The following SORBS2 variants were observed in gnomAD, a reference collection of about 807,000 sequenced individuals.
The protein encoded by SORBS2 is sorbin and SH3 domain-containing protein 2.
Under a neutral mutation model 97.7 loss-of-function variants are expected in SORBS2, and 46 were observed. The ratio of observed to expected loss-of-function variants is 0.47; its 90% CI spans 0.37 to 0.60. SORBS2 has a LOEUF of 0.60. Ranked by LOEUF, SORBS2 falls within the 20% of genes least tolerant of loss-of-function variation. SORBS2 has a pLI of 0.00. For missense variants in SORBS2, 1,316 were observed against 1,282.3 expected (o/e 1.03, Z -0.40); for synonymous variants, 476 against 473.4 (o/e 1.01, Z -0.07).
At chr4:185,672,077 G>C (rs2097721168) in intron 4 of SORBS2, among the ~76,000 whole-genome samples, 1 of 152,196 alleles carries the variant, frequency 6.6e-6, no homozygotes. Flanking sequence ...CATACTAATG[G>C]AAGACATCAA....
chr4:185,637,328 C>CG (rs1379343439), intron 4 of SORBS2, among the ~76,000 whole-genome samples: 6 of 152,186 alleles, frequency 3.9e-5, no homozygotes, highest in Non-Finnish European at 8.8e-5. Flanking sequence ...CCAGGAGCAA[C>CG]GGGCCATAGC....
intron 2 of SORBS2, among the ~76,000 whole-genome samples, chr4:185,680,607 C>T (rs1043781000): frequency 6.6e-6 from 1 of 152,214 alleles, no homozygotes; most frequent in African/African-American, 2.4e-5. Context: ...TGATTATATT[C>T]TGATTTTTTT....
intron 1 of SORBS2, among the ~76,000 whole-genome samples, chr4:185,935,040 C>G (rs1415012552): frequency 2.6e-5 from 4 of 152,036 alleles, no homozygotes; most frequent in Admixed American, 2.0e-4. Flanking sequence ...CCTTTCTGTT[C>G]CAAGTCAAAT....
At chr4:185,798,845 T>C (rs1263600499) in intron 1 of SORBS2, among the ~76,000 whole-genome samples, 1 of 152,188 alleles carries the variant, frequency 6.6e-6, no homozygotes, top group Non-Finnish European at 1.5e-5. Context: ...GTTTTTGCCC[T>C]GATATCAAAA....
chr4:185,747,194 C>A (rs1052683538), intron 2 of SORBS2, among the ~76,000 whole-genome samples: 1 of 152,136 alleles, frequency 6.6e-6, no homozygotes, highest in African/African-American at 2.4e-5. Flanking sequence ...GTCGGCAAGA[C>A]AAGGAGGAAG....
intron 1 of SORBS2, among the ~76,000 whole-genome samples, chr4:185,936,006 C>T (rs1301342616): frequency 6.6e-6 from 1 of 152,156 alleles, no homozygotes; most frequent in Non-Finnish European, 1.5e-5. Flanking sequence ...TGTGCACCAC[C>T]ATGCCTGGCT....
chr4:185,815,587 C>T (rs1007921147), intron 1 of SORBS2, among the ~76,000 whole-genome samples: 2 of 151,916 alleles, frequency 1.3e-5, no homozygotes, highest in Non-Finnish European at 2.9e-5. Context: ...GATTTTCAAA[C>T]AAATATATTA....
chr4:185,932,737 G>A (rs2099267089), intron 1 of SORBS2, among the ~76,000 whole-genome samples: 1 of 72,038 alleles, frequency 1.4e-5, no homozygotes, highest in South Asian at 4.4e-4. Flanking sequence ...GAGCCCCCCT[G>A]GGGCTCGGTT....
intron 1 of SORBS2, among the ~76,000 whole-genome samples, chr4:185,804,688 G>T (rs539089129): frequency 1.1e-4 from 17 of 152,148 alleles, no homozygotes; most frequent in Non-Finnish European, 2.4e-4. Flanking sequence ...AGCAAGTACA[G>T]AGTGAAATCT....
chr4:185,599,174 A>G (rs949270948), intron 12 of SORBS2, among the ~76,000 whole-genome samples: 15 of 152,262 alleles, frequency 9.9e-5, no homozygotes, highest in Non-Finnish European at 5.9e-5. Flanking sequence ...GACTTCTGTG[A>G]AATCAAGCCC....
At chr4:185,911,093 T>A (rs563905528) in intron 1 of SORBS2, among the ~76,000 whole-genome samples, 1 of 152,342 alleles carries the variant, frequency 6.6e-6, no homozygotes, top group South Asian at 2.1e-4. Context: ...TCTAGAGAGA[T>A]TAGATAAGTA....
chr4:185,896,004 T>C (rs1302545090), intron 1 of SORBS2, among the ~76,000 whole-genome samples: 1 of 152,108 alleles, frequency 6.6e-6, no homozygotes, highest in East Asian at 1.9e-4. Context: ...TGAAATCTCA[T>C]TGAGTAGAAA....
At chr4:185,951,407 C>A (rs1194666545) in intron 1 of SORBS2, among the ~76,000 whole-genome samples, 1 of 152,228 alleles carries the variant, frequency 6.6e-6, no homozygotes, top group Non-Finnish European at 1.5e-5. Flanking sequence ...CAGCTCACTG[C>A]CCGGGTACTG....
intron 1 of SORBS2, among the ~76,000 whole-genome samples, chr4:185,884,153 T>C (rs1371081116): frequency 1.3e-5 from 2 of 152,208 alleles, no homozygotes; most frequent in African/African-American, 2.4e-5. Flanking sequence ...CATAGAGCTA[T>C]ATATCTAAAA....
chr4:185,794,356 A>G (rs2099095582), intron 1 of SORBS2, among the ~76,000 whole-genome samples: 1 of 152,194 alleles, frequency 6.6e-6, no homozygotes, highest in Non-Finnish European at 1.5e-5. Context: ...CTATTCAGGG[A>G]GGCAAGGTCC....
At chr4:185,744,497 T>C (rs2098748287) in intron 2 of SORBS2, among the ~76,000 whole-genome samples, 1 of 152,242 alleles carries the variant, frequency 6.6e-6, no homozygotes, top group African/African-American at 2.4e-5. Context: ...TTGAATTTCA[T>C]AGAAGAATAT....
chr4:185,954,192 G>A (rs1331772231), intron 1 of SORBS2, among the ~76,000 whole-genome samples: 3 of 152,032 alleles, frequency 2.0e-5, no homozygotes, highest in South Asian at 2.1e-4. Context: ...CTATAGTCCC[G>A]TTGCCATTCA....
rs1373637952 is a variant in SORBS2, at chr4:185,721,317, C to T, written c.-197-42495G>A. On this transcript the variant is annotated intron_variant, in intron 2 of 20. Coordinates refer to the SORBS2 transcript ENST00000284776. The stretch of plus-strand genomic sequence containing the variant: ...CTCAAACTCCTGACCTTGGGTGATC[C>T]GCCTGCCTTGGCCTCCCAAAGTGCT... 3.9e-5 allele frequency among the ~76,000 whole-genome samples: 6 copies of T among 152,124 alleles called. No homozygotes were observed. In the South Asian group the frequency reaches 6.2e-4, roughly 16 times the overall value.
At chr4:185,873,742 T>C (rs1034648353) in intron 1 of SORBS2, among the ~76,000 whole-genome samples, 24 of 152,188 alleles carry the variant, frequency 1.6e-4, no homozygotes, top group Non-Finnish European at 4.4e-5. Flanking sequence ...TTAAATTATA[T>C]ATTTCCTAGA....
Sources: gnomAD v4.1 joint callset for allele counts (sites outside exome capture counted in the v4.1 genomes callset) on GRCh38, gnomAD v4.1.1 for gene constraint, MANE v1.5 for transcripts, NCBI Gene and HGNC (gene_info 2026-07-23, HGNC 2026-07-21) for gene names.